Variants in HYDIN observed in about 807,000 individuals in gnomAD.
HYDIN encodes the protein HYDIN axonemal central pair apparatus protein.
In HYDIN, 132 loss-of-function variants were observed where a neutral mutation model predicts 403.9. That is an observed-to-expected ratio of 0.33 (90% CI 0.28 to 0.38). The LOEUF (loss-of-function observed/expected upper bound fraction) is 0.38, where lower values mean the gene tolerates loss of function less well. HYDIN is among the 10% of genes least tolerant of loss of function. The probability of loss-of-function intolerance (pLI) is 1.00; values close to 1 mark genes in which losing one functional copy is unlikely to be tolerated. For synonymous variants in HYDIN, 1,202 were observed against 1,891.7 expected, an observed-to-expected ratio of 0.64 and a Z score of 9.46; for missense variants, 2,827 against 5,009.5, an observed-to-expected ratio of 0.56 and a Z score of 13.15.
At chr16:71,068,725 A>G (rs2082357198) in intron 14 of HYDIN, among the ~76,000 whole-genome samples, 1 of 152,246 alleles carries the variant, frequency 6.6e-6, no homozygotes, top group South Asian at 2.1e-4. Context: ...ACATGGAAGG[A>G]TGAGTATTCC....
At position 71,201,103 on chromosome 16, in the gene HYDIN, T is replaced by A. The variant is rs2042422; in HGVS notation, c.-23-14185A>T. 8.5e-3 allele frequency among the ~76,000 whole-genome samples: 1,298 copies of A among 152,320 alleles called. 18 individuals carry two copies. The highest frequency in any genetic ancestry group is 0.03 in the African/African-American group (1,236 of 41,568). ...GAAGGCTTCCTAGACCCTTGACCTC[T>A]CTGACATCCCCTTCTTATATGTCCT... is the stretch of plus-strand genomic sequence containing the variant. On this transcript the variant is annotated intron_variant, in intron 1 of 85. Coordinates refer to ENST00000393567, the MANE Select transcript of HYDIN (RefSeq NM_001270974.2).
chr16:71,044,777 T>C (rs994044775), intron 18 of HYDIN, among the ~76,000 whole-genome samples: 5 of 142,276 alleles, frequency 3.5e-5, no homozygotes, highest in Admixed American at 2.8e-4. Context: ...GAGCATATTT[T>C]AGTTTTCTAC....
At chr16:71,229,765 G>A (rs545559484) in intron 1 of HYDIN, among the ~76,000 whole-genome samples, 3 of 152,304 alleles carry the variant, frequency 2.0e-5, no homozygotes, top group Admixed American at 2.0e-4. Context: ...ACTACAATGA[G>A]GTACAAGAGA....
chr16:71,194,151 G>A (rs1710404549), intron 1 of HYDIN, among the ~76,000 whole-genome samples: 1 of 152,176 alleles, frequency 6.6e-6, no homozygotes, highest in African/African-American at 2.4e-5. Flanking sequence ...AGTGGCTCGC[G>A]CCTGTAATCC....
intron 12 of HYDIN, among the ~76,000 whole-genome samples, chr16:71,087,030 A>G (rs986732931): frequency 1.3e-5 from 2 of 151,374 alleles, no homozygotes; most frequent in African/African-American, 4.9e-5. Context: ...TTGGAAAACA[A>G]CCCTCATTTT....
At chr16:70,960,148 G>C (rs1476687718) in intron 38 of HYDIN, among the ~76,000 whole-genome samples, 1 of 150,506 alleles carries the variant, frequency 6.6e-6, no homozygotes, top group Non-Finnish European at 1.5e-5. Context: ...GAAATCTGCA[G>C]CATTAAGGGA....
Position 70,874,300 on chromosome 16 carries a change from C to G in HYDIN, c.10948+5G>C. ...TTGCCAACACTTCACTGCTGTTTCT[C>G]CCACCTGCCACCAAGTCTTCCATAT... On this transcript the variant is annotated splice_donor_5th_base_variant and intron_variant, in intron 64 of 85. Coordinates refer to ENST00000393567, the MANE Select transcript of HYDIN (RefSeq NM_001270974.2). 3 of 598,410 alleles carry G rather than the reference C, an allele frequency of 5.0e-6. No homozygotes were observed. Among genetic ancestry groups the G allele is most frequent in the Non-Finnish European group, 8.9e-6 (3 of 336,452 alleles). 37.1% of individuals were successfully genotyped at this position (598,410 alleles called of 1,614,324 possible).
Position 70,803,181 on chromosome 16 carries a change from T to A in HYDIN, c.*4399A>T, listed in dbSNP as rs548027754. Among the ~76,000 whole-genome samples the A allele has an allele frequency of 6.6e-6, 1 of 152,346 alleles. No homozygotes were observed. Among genetic ancestry groups the A allele is most frequent in the South Asian group, 2.1e-4 (1 of 4,824 alleles). ...AGGAATTTTTTTTTTACCAGAAGTA[T>A]TCTTTTCTCCTGAAATTATATTCTG... On this transcript the variant is annotated 3_prime_UTR_variant, in exon 86 of 86. Transcript: ENST00000393567.
chr16:70,923,444 G>A (rs1597331882), intron 45 of HYDIN, among the ~76,000 whole-genome samples: 1 of 131,350 alleles, frequency 7.6e-6, no homozygotes, highest in South Asian at 2.6e-4. Flanking sequence ...CTCCAGCCTC[G>A]GCAACAAGAG....
rs376231445 is a variant in HYDIN at position 70,992,074 on chromosome 16, C to T, written c.3781G>A (p.Val1261Ile). The change falls in exon 24 of 86, where the codon GTT becomes ATT. Residue 1261 changes from valine (V) to isoleucine (I), a missense_variant. By Grantham distance (29) the Val-to-Ile change is conservative. Coordinates refer to ENST00000393567, the MANE Select transcript of HYDIN (RefSeq NM_001270974.2). The part of the protein sequence containing the change: ...ESPEMDLNDF[V>I]KTVLVDEDAR... The stretch of plus-strand genomic sequence containing the variant: ...CTATGTTGGCTTTGCACTTACTTAA[C>T]AAAATCATTTAAATCCATCTCGGGG... 1.2e-5 allele frequency: 19 copies of T among 1,613,582 alleles called. No individual in the cohort carries two copies. In the African/African-American group the frequency reaches 2.1e-4, roughly 18 times the overall value.
chr16:71,098,717 C>A (rs1568151013), intron 10 of HYDIN, among the ~76,000 whole-genome samples: 1 of 145,962 alleles, frequency 6.9e-6, no homozygotes. Context: ...CCATCTGTTA[C>A]CTTGACTGCC....
intron 3 of HYDIN, among the ~76,000 whole-genome samples, chr16:71,181,306 G>A (rs547758056): frequency 6.6e-6 from 1 of 151,600 alleles, no homozygotes; most frequent in South Asian, 2.1e-4. Context: ...AACAAGATAG[G>A]AGGATTTGCT....
At chr16:71,102,789 G>A (rs528666909) in intron 10 of HYDIN, among the ~76,000 whole-genome samples, 22 of 147,672 alleles carry the variant, frequency 1.5e-4, no homozygotes, top group Admixed American at 1.0e-3. Context: ...CTACCAACCA[G>A]GGAATAATTT....
chr16:70,840,137 A>G lies in HYDIN; in HGVS notation c.12970T>C (p.Phe4324Leu). 1.1e-6 allele frequency: 1 copy of G among 876,756 alleles called. No homozygotes were observed. Among genetic ancestry groups the G allele is most frequent in the Non-Finnish European group, 1.7e-6 (1 of 575,330 alleles). The allele number at this position is 876,756 out of a possible 1,614,324, so 54.3% of individuals were successfully genotyped here. A position where few individuals can be genotyped will look rare whatever the true frequency, so the allele number is the denominator to read the frequency against. The change falls in exon 76 of 86, where the codon TTT becomes CTT. Residue 4324 changes from phenylalanine (F) to leucine (L), a missense_variant. By Grantham distance (22) the Phe-to-Leu change is conservative (BLOSUM62 0). Transcript: ENST00000393567. ...SFTSYNFGTC[F>L]IYQAGMPPYK... ...GGGGGCATCCCAGCTTGATAGATAA[A>G]GCAGGTCCCAAAGTTGTAGCTGGTG... is the stretch of plus-strand genomic sequence containing the variant.
chr16:71,026,843 T>C (rs540716747), intron 20 of HYDIN, among the ~76,000 whole-genome samples: 1 of 152,254 alleles, frequency 6.6e-6, no homozygotes, highest in African/African-American at 2.4e-5. Flanking sequence ...TTGCTTCCTA[T>C]TTAATGTGGG....
intron 1 of HYDIN, among the ~76,000 whole-genome samples, chr16:71,199,513 C>T (rs1821942892): frequency 6.6e-6 from 1 of 152,170 alleles, no homozygotes; most frequent in South Asian, 2.1e-4. Flanking sequence ...AAAGAAGGGG[C>T]TCCAATTTTG....
At chr16:71,059,113 T>C (rs1002136653) in intron 18 of HYDIN, among the ~76,000 whole-genome samples, 1 of 152,196 alleles carries the variant, frequency 6.6e-6, no homozygotes, top group African/African-American at 2.4e-5. Context: ...TCAAAAGTTG[T>C]ATGTTTCTTT....
intron 18 of HYDIN, among the ~76,000 whole-genome samples, chr16:71,040,120 C>A (rs1328897284): frequency 6.6e-6 from 1 of 152,000 alleles, no homozygotes; most frequent in Non-Finnish European, 1.5e-5. Context: ...TGCACTCCCA[C>A]CTGTGAGGGG....
At chr16:71,055,789 G>C (rs1047716992) in intron 18 of HYDIN, among the ~76,000 whole-genome samples, 3 of 151,818 alleles carry the variant, frequency 2.0e-5, no homozygotes, top group Admixed American at 1.3e-4. Context: ...GTCCCAAGGT[G>C]TCACTGACAT....
Sources: gnomAD v4.1 joint callset for allele counts (sites outside exome capture counted in the v4.1 genomes callset) on GRCh38, gnomAD v4.1.1 for gene constraint, MANE v1.5 for transcripts, NCBI Gene and HGNC (gene_info 2026-07-23, HGNC 2026-07-21) for gene names.